RALGAPA2: variants seen among roughly 807,000 people sequenced by gnomAD.
RALGAPA2 encodes the protein ral GTPase-activating protein subunit alpha-2.
In RALGAPA2, 139 loss-of-function variants were observed where a neutral mutation model predicts 230.4. The ratio of observed to expected loss-of-function variants is 0.60; its 90% confidence interval spans 0.53 to 0.69. The LOEUF is 0.69. Among genes scored for constraint, RALGAPA2 ranks in the 30% least tolerant of loss-of-function variants. The pLI is 0.00. For synonymous variants in RALGAPA2, 847 were observed against 837.8 expected (o/e 1.01, Z -0.19); for missense variants, 2,163 against 2,276.0 (o/e 0.95, Z 1.01).
intron 1 of RALGAPA2, among the ~76,000 whole-genome samples, chr20:20,697,485 G>A (rs6137106): frequency 0.017 from 2,537 of 152,260 alleles, 97 homozygotes; most frequent in East Asian, 0.15. Context: ...ACAAATGGGC[G>A]TGGGCAGAGC....
chr20:20,705,858 G>A (rs566297184), intron 1 of RALGAPA2, among the ~76,000 whole-genome samples: 9 of 152,174 alleles, frequency 5.9e-5, no homozygotes, highest in South Asian at 4.1e-4. Flanking sequence ...TACTAGAGAC[G>A]GTGTTTCACC....
At chr20:20,599,586 TCAGTTAA>T (rs1283369389) in intron 16 of RALGAPA2, among the ~76,000 whole-genome samples, 1 of 152,196 alleles carries the variant, frequency 6.6e-6, no homozygotes, top group Non-Finnish European at 1.5e-5. Flanking sequence ...TCATATGACA[TCAGTTAA>T]CATTAATGAA....
chr20:20,431,933 G>A (rs1209526143), intron 37 of RALGAPA2, among the ~76,000 whole-genome samples: 2 of 152,184 alleles, frequency 1.3e-5, no homozygotes, highest in Non-Finnish European at 2.9e-5. Context: ...TGAAGTAGGG[G>A]CTATCTTCAA....
chr20:20,399,343 CAA>C (rs11396922), intron 38 of RALGAPA2, among the ~76,000 whole-genome samples: 49 of 115,936 alleles, frequency 4.2e-4, no homozygotes, highest in African/African-American at 1.6e-3. Context: ...AACTCCGTCT[CAA>C]AAAAAAAAAA....
chr20:20,408,732 G>C (rs1217250637), intron 38 of RALGAPA2, among the ~76,000 whole-genome samples: 1 of 152,076 alleles, frequency 6.6e-6, no homozygotes, highest in Non-Finnish European at 1.5e-5. Flanking sequence ...CCCAATATGT[G>C]TGTGTGTGTG....
At chr20:20,527,636 C>T (rs904205205) in intron 27 of RALGAPA2, among the ~76,000 whole-genome samples, 2 of 152,172 alleles carry the variant, frequency 1.3e-5, no homozygotes, top group African/African-American at 4.8e-5. Flanking sequence ...GGCCCACCCC[C>T]TCAGCTCTTC....
intron 33 of RALGAPA2, among the ~76,000 whole-genome samples, chr20:20,508,511 C>G (rs920395052): frequency 2.0e-5 from 3 of 152,222 alleles, no homozygotes; most frequent in African/African-American, 4.8e-5. Flanking sequence ...GCATTTACAT[C>G]TAACAGGGAA....
intron 6 of RALGAPA2, 92 bp downstream of exon 6, chr20:20,640,608 CA>C: frequency 7.9e-7 from 1 of 1,263,138 alleles, no homozygotes; most frequent in Non-Finnish European, 1.1e-6. Flanking sequence ...CAGACTCCAT[CA>C]GGATTTCTAT....
chr20:20,558,686 A>G (rs1281895854), intron 23 of RALGAPA2, among the ~76,000 whole-genome samples: 1 of 152,010 alleles, frequency 6.6e-6, no homozygotes, highest in Non-Finnish European at 1.5e-5. Flanking sequence ...GAAAAAAAAG[A>G]AATTTACCAG....
At chr20:20,688,504 AG>A (rs1214842864) in intron 1 of RALGAPA2, among the ~76,000 whole-genome samples, 3 of 152,186 alleles carry the variant, frequency 2.0e-5, no homozygotes, top group Non-Finnish European at 4.4e-5. Flanking sequence ...AGGATGGAAT[AG>A]GAAGTGGGCT....
intron 10 of RALGAPA2, among the ~76,000 whole-genome samples, chr20:20,625,100 C>T (rs1021916185): frequency 6.6e-6 from 1 of 152,112 alleles, no homozygotes; most frequent in Non-Finnish European, 1.5e-5. Flanking sequence ...TACCTGCTTG[C>T]TTATTTCCAT....
chr20:20,601,621 G>C, intron 16 of RALGAPA2, 61 bp downstream of exon 16: 1 of 1,526,634 alleles, frequency 6.6e-7, no homozygotes, highest in Admixed American at 1.9e-5. Context: ...CACACTTTAT[G>C]CCTATAAATT....
intron 24 of RALGAPA2, among the ~76,000 whole-genome samples, chr20:20,540,438 G>A (rs2063613140): frequency 6.6e-6 from 1 of 152,156 alleles, no homozygotes; most frequent in Non-Finnish European, 1.5e-5. Flanking sequence ...ATGTGCTAAA[G>A]ACCAAGCAAA....
chr20:20,600,824 G>T (rs566869240), intron 16 of RALGAPA2, among the ~76,000 whole-genome samples: 1 of 152,162 alleles, frequency 6.6e-6, no homozygotes, highest in Non-Finnish European at 1.5e-5. Context: ...AATGTAGGGC[G>T]GGCGCAGTGG....
chr20:20,696,229 T>C (rs1382042402), intron 1 of RALGAPA2, among the ~76,000 whole-genome samples: 1 of 152,160 alleles, frequency 6.6e-6, no homozygotes, highest in Non-Finnish European at 1.5e-5. Flanking sequence ...TTAACACCTT[T>C]GCTTGCTACA....
At position 20,676,289 on chromosome 20, in the gene RALGAPA2, C is replaced by A; in HGVS notation, c.218-1G>T. On this transcript the variant is annotated splice_acceptor_variant, in intron 2 of 39. Transcript: ENST00000202677. LOFTEE classifies it high-confidence loss of function. Reference sequence around the variant, plus strand: ...TCCTCCCTTTGTGACTTATTATTCCCTGGAATATTAAAAAATAATTAGTTA... The same window carrying A: ...TCCTCCCTTTGTGACTTATTATTCCATGGAATATTAAAAAATAATTAGTTA... 6.4e-7 allele frequency: 1 copy of A among 1,552,226 alleles called. No individual in the cohort carries two copies. The highest frequency in any genetic ancestry group is 8.8e-7 in the Non-Finnish European group (1 of 1,131,790).
chr20:20,646,377 A>G (rs548315439), intron 4 of RALGAPA2, among the ~76,000 whole-genome samples: 1 of 152,280 alleles, frequency 6.6e-6, no homozygotes, highest in Non-Finnish European at 1.5e-5. Flanking sequence ...CTACTTTAAC[A>G]TTATCAAGTC....
intron 31 of RALGAPA2, 72 bp downstream of exon 31, chr20:20,520,845 G>C (rs1391784556): frequency 6.3e-6 from 8 of 1,261,848 alleles, no homozygotes; most frequent in Admixed American, 2.7e-5. Flanking sequence ...AAAAAAAATA[G>C]AGCAAGCATG....
intron 37 of RALGAPA2, among the ~76,000 whole-genome samples, chr20:20,424,911 ACT>A (rs141827124): frequency 0.012 from 1,853 of 152,306 alleles, 42 homozygotes; most frequent in African/African-American, 0.042. Context: ...TGAATTGTAA[ACT>A]CTGTTTCTAT....
Sources: allele counts gnomAD v4.1 joint callset (sites outside exome capture counted in the v4.1 genomes callset), GRCh38; gene constraint gnomAD v4.1.1; transcripts MANE v1.5; gene names NCBI Gene and HGNC (gene_info 2026-07-23, HGNC 2026-07-21).